Variants in NKAIN3 observed in about 807,000 individuals in gnomAD.
NKAIN3 encodes the protein sodium/potassium transporting ATPase interacting 3.
A neutral mutation model predicts 30.2 loss-of-function variants in NKAIN3; 25 were observed. The ratio of observed to expected loss-of-function variants is 0.83; its 90% CI spans 0.60 to 1.16. NKAIN3 has a LOEUF of 1.16. NKAIN3 is among the 50% of genes most tolerant of loss of function. The pLI is 0.00. For synonymous variants in NKAIN3, 91 were observed against 89.6 expected (o/e 1.02, Z -0.09); for missense variants, 225 against 254.1 (o/e 0.89, Z 0.78).
intron 4 of NKAIN3, among the ~76,000 whole-genome samples, chr8:62,894,272 G>A (rs954029079): frequency 2.6e-5 from 4 of 152,104 alleles, no homozygotes; most frequent in Admixed American, 6.6e-5. Flanking sequence ...ACAAATATCT[G>A]ATGAAACTCA....
intron 1 of NKAIN3, among the ~76,000 whole-genome samples, chr8:62,267,527 C>G (rs1812646153): frequency 1.3e-5 from 2 of 152,076 alleles, no homozygotes; most frequent in Admixed American, 1.3e-4. Flanking sequence ...TGCTAATGTT[C>G]CACATTGCTT....
chr8:62,493,646 A>G (rs1042939616), intron 1 of NKAIN3, among the ~76,000 whole-genome samples: 2 of 152,128 alleles, frequency 1.3e-5, no homozygotes, highest in Admixed American at 1.3e-4. Flanking sequence ...GATTCTTCCT[A>G]TCCATGAGCA....
intron 1 of NKAIN3, among the ~76,000 whole-genome samples, chr8:62,525,447 C>T (rs1363175374): frequency 6.6e-6 from 1 of 152,112 alleles, no homozygotes; most frequent in Non-Finnish European, 1.5e-5. Flanking sequence ...CTTTTCTTGT[C>T]CATGTGTTCT....
At chr8:62,776,712 T>C (rs1334061533) in intron 4 of NKAIN3, among the ~76,000 whole-genome samples, 1 of 152,192 alleles carries the variant, frequency 6.6e-6, no homozygotes, top group Non-Finnish European at 1.5e-5. Context: ...TCTTTTAATC[T>C]TTCTACTCAA....
At chr8:62,258,668 A>G (rs1333865783) in intron 1 of NKAIN3, among the ~76,000 whole-genome samples, 1 of 152,160 alleles carries the variant, frequency 6.6e-6, no homozygotes, top group Non-Finnish European at 1.5e-5. Flanking sequence ...TAAAAAAGAA[A>G]AAAAGAAAAA....
intron 1 of NKAIN3, among the ~76,000 whole-genome samples, chr8:62,430,600 A>T (rs1804965696): frequency 6.6e-6 from 1 of 151,690 alleles, no homozygotes; most frequent in Non-Finnish European, 1.5e-5. Context: ...TCATGCCTTC[A>T]TTTTTCACAC....
intron 1 of NKAIN3, among the ~76,000 whole-genome samples, chr8:62,365,284 C>T (rs1816702504): frequency 6.6e-6 from 1 of 152,154 alleles, no homozygotes; most frequent in African/African-American, 2.4e-5. Flanking sequence ...CTGTCTTCCA[C>T]ATTGCAGCAT....
intron 1 of NKAIN3, among the ~76,000 whole-genome samples, chr8:62,302,032 T>A (rs1585654422): frequency 6.6e-6 from 1 of 152,222 alleles, no homozygotes; most frequent in Non-Finnish European, 1.5e-5. Context: ...CTTTAATTAA[T>A]CTGAGTGTTC....
At chr8:62,895,382 A>G (rs949386032) in intron 4 of NKAIN3, among the ~76,000 whole-genome samples, 8 of 152,198 alleles carry the variant, frequency 5.3e-5, no homozygotes, top group African/African-American at 1.9e-4. Context: ...AGGAGCAGTC[A>G]CAAACCAGCA....
intron 4 of NKAIN3, among the ~76,000 whole-genome samples, chr8:62,851,407 G>A (rs1295375047): frequency 2.0e-5 from 3 of 152,154 alleles, no homozygotes; most frequent in Non-Finnish European, 4.4e-5. Flanking sequence ...TGCAAACAGG[G>A]ACAATTTGAC....
chr8:62,878,826 A>G lies in NKAIN3; in HGVS notation c.472-39627A>G, dbSNP rs543489849. 6.8e-3 allele frequency among the ~76,000 whole-genome samples: 1,039 copies of G among 152,072 alleles called. 10 individuals carry two copies. The highest frequency in any genetic ancestry group is 0.017 in the African/African-American group (699 of 41,484). On this transcript the variant is annotated intron_variant, in intron 4 of 6. Transcript: ENST00000623646. ...GGTTTCCAGCTTCATCCATGTCCCT[A>G]CAAAGAACATGAACTCATCATTTTT...
chr8:62,545,143 A>G (rs775223856), intron 1 of NKAIN3, among the ~76,000 whole-genome samples: 6 of 152,182 alleles, frequency 3.9e-5, no homozygotes, highest in African/African-American at 7.2e-5. Flanking sequence ...TCAGCTATAC[A>G]TATTTCCTAA....
intron 4 of NKAIN3, among the ~76,000 whole-genome samples, chr8:62,878,256 C>G (rs1157093560): frequency 6.6e-6 from 1 of 152,066 alleles, no homozygotes; most frequent in African/African-American, 2.4e-5. Flanking sequence ...TCTGAAGAAT[C>G]TGACCTTTTA....
chr8:62,411,152 A>G (rs964588781), intron 1 of NKAIN3, among the ~76,000 whole-genome samples: 4 of 152,224 alleles, frequency 2.6e-5, no homozygotes, highest in African/African-American at 7.2e-5. Flanking sequence ...AATCTTCAAC[A>G]AAATTCTAGC....
chr8:62,522,238 A>G (rs1808181077), intron 1 of NKAIN3, among the ~76,000 whole-genome samples: 1 of 152,118 alleles, frequency 6.6e-6, no homozygotes, highest in African/African-American at 2.4e-5. Context: ...AAAAATTCCT[A>G]TCGCCTAATG....
chr8:62,887,569 T>C (rs1475546984), intron 4 of NKAIN3, among the ~76,000 whole-genome samples: 2 of 152,182 alleles, frequency 1.3e-5, no homozygotes, highest in African/African-American at 4.8e-5. Flanking sequence ...ATAACTGTTA[T>C]TGTTTCTTAG....
intron 1 of NKAIN3, among the ~76,000 whole-genome samples, chr8:62,317,964 T>C (rs1814707190): frequency 6.6e-6 from 1 of 152,224 alleles, no homozygotes; most frequent in African/African-American, 2.4e-5. Context: ...GAGCAGTGGT[T>C]TGTAGTTCTC....
At chr8:62,374,113 CAAAA>C (rs66521184) in intron 1 of NKAIN3, among the ~76,000 whole-genome samples, 15 of 64,348 alleles carry the variant, frequency 2.3e-4, no homozygotes, top group East Asian at 9.0e-4. Flanking sequence ...ACTCCATCTC[CAAAA>C]AAAAAAAAAA....
chr8:62,905,687 C>T (rs1388951403), intron 4 of NKAIN3, among the ~76,000 whole-genome samples: 2 of 152,160 alleles, frequency 1.3e-5, no homozygotes, highest in African/African-American at 4.8e-5. Context: ...TCAACGCTCA[C>T]TCATTGTTCT....
Sources: allele counts gnomAD v4.1 joint callset (sites outside exome capture counted in the v4.1 genomes callset), GRCh38; gene constraint gnomAD v4.1.1; transcripts MANE v1.5; gene names NCBI Gene and HGNC (gene_info 2026-07-23, HGNC 2026-07-21).